FHL2: variants seen among roughly 807,000 people sequenced by gnomAD.
FHL2 encodes four and a half LIM domains protein 2.
A neutral mutation model predicts 32.7 loss-of-function variants in FHL2; 20 were observed. The ratio of observed to expected loss-of-function variants is 0.61; its 90% CI spans 0.43 to 0.89. The LOEUF (loss-of-function observed/expected upper bound fraction) is 0.89. Ranked by LOEUF, FHL2 falls within the 40% of genes least tolerant of loss-of-function variation. FHL2 has a pLI of 0.00. For missense variants in FHL2, 311 were observed against 358.6 expected (o/e 0.87, Z 1.07); for synonymous variants, 123 against 128.1 (o/e 0.96, Z 0.27).
chr2:105,438,191 G>C (rs1684669505), intron 1 of FHL2, among the ~76,000 whole-genome samples: 1 of 152,180 alleles, frequency 6.6e-6, no homozygotes, highest in African/African-American at 2.4e-5. Context: ...GGTGGCTTCT[G>C]TTCTTGGGCT....
chr2:105,423,144 C>A (rs548686444), intron 1 of FHL2, among the ~76,000 whole-genome samples: 1 of 152,216 alleles, frequency 6.6e-6, no homozygotes, highest in East Asian at 1.9e-4. Flanking sequence ...AATGAAGATT[C>A]TTCTAGATTT....
chr2:105,402,574 G>A (rs545343371), upstream of FHL2, among the ~76,000 whole-genome samples: 7 of 152,146 alleles, frequency 4.6e-5, no homozygotes, highest in East Asian at 1.4e-3. Context: ...AAAAATAAAA[G>A]CAACAGACTC....
At chr2:105,386,689 GT>G in intron 2 of FHL2, 149 bp from the exon 3 acceptor site, 1 of 621,670 alleles carries the variant, frequency 1.6e-6, no homozygotes. Context: ...CCTTTAATCG[GT>G]CATAATTTTT....
At chr2:105,416,558 A>G (rs1683944497) in intron 1 of FHL2, among the ~76,000 whole-genome samples, 1 of 152,242 alleles carries the variant, frequency 6.6e-6, no homozygotes, top group Non-Finnish European at 1.5e-5. Flanking sequence ...CTGAAATCAC[A>G]TCAATACTTT....
At chr2:105,371,793 G>A (rs927437854) in intron 4 of FHL2, among the ~76,000 whole-genome samples, 7 of 152,128 alleles carry the variant, frequency 4.6e-5, no homozygotes, top group Admixed American at 4.6e-4. Flanking sequence ...AACTAGTAAG[G>A]GTTTAATTTG....
chr2:105,428,002 C>T (rs1175934685), intron 1 of FHL2, among the ~76,000 whole-genome samples: 1 of 152,200 alleles, frequency 6.6e-6, no homozygotes, highest in Non-Finnish European at 1.5e-5. Context: ...ACACACAGCC[C>T]ATGTAAATTC....
chr2:105,391,549 A>C (rs1045990806), intron 2 of FHL2, among the ~76,000 whole-genome samples: 6 of 152,164 alleles, frequency 3.9e-5, no homozygotes, highest in Non-Finnish European at 7.4e-5. Flanking sequence ...AGCCAAGGCA[A>C]TGAGGGCCTG....
chr2:105,435,163 T>C (rs1018656487), intron 1 of FHL2, among the ~76,000 whole-genome samples: 1 of 151,808 alleles, frequency 6.6e-6, no homozygotes, highest in South Asian at 2.1e-4. Flanking sequence ...TCAAAAGTTC[T>C]ATGCAAACTT....
chr2:105,396,818 G>T, intron 1 of FHL2, 121 bp from the exon 2 acceptor site: 1 of 815,508 alleles, frequency 1.2e-6, no homozygotes, highest in Non-Finnish European at 2.0e-6. Context: ...TAATAAAACC[G>T]CACAGAAGAA....
chr2:105,385,552 G>A (rs1682243156), intron 3 of FHL2, among the ~76,000 whole-genome samples: 2 of 152,210 alleles, frequency 1.3e-5, no homozygotes, highest in Admixed American at 6.5e-5. Context: ...GATGCCAAAG[G>A]AATCCCATTT....
intron 1 of FHL2, among the ~76,000 whole-genome samples, chr2:105,437,719 T>C (rs2104692035): frequency 6.6e-6 from 1 of 152,324 alleles, no homozygotes; most frequent in East Asian, 1.9e-4. Flanking sequence ...ATATATGGCA[T>C]CCTATCAATA....
chr2:105,386,590 G>A (rs2104588500), intron 2 of FHL2, 50 bp from the exon 3 acceptor site: 1 of 1,556,412 alleles, frequency 6.4e-7, no homozygotes, highest in Non-Finnish European at 8.8e-7. Context: ...TCTCTGAAAG[G>A]GGTGCACGCA....
rs185850064 is a variant in FHL2 at position 105,395,009 on chromosome 2, C to T, written c.-25+1638G>A. Among the ~76,000 whole-genome samples the T allele has an allele frequency of 4.1e-3, 625 of 152,332 alleles. 6 individuals carry two copies. Among genetic ancestry groups the T allele is most frequent in the African/African-American group, 0.015 (608 of 41,564 alleles). The stretch of plus-strand genomic sequence containing the variant: ...GTCCATGACTACAAGAGGAGTTACA[C>T]TTGTTTTGATGTCGTTCAGCCTTTT... On this transcript the variant is annotated intron_variant, in intron 2 of 6. Coordinates refer to ENST00000530340, the MANE Select transcript of FHL2 (RefSeq NM_001318895.3).
At chr2:105,406,380 G>C (rs1227382749) in intron 1 of FHL2, among the ~76,000 whole-genome samples, 1 of 151,926 alleles carries the variant, frequency 6.6e-6, no homozygotes, top group African/African-American at 2.4e-5. Flanking sequence ...GGCCGGAGGG[G>C]TTCCAGCGGT....
At chr2:105,397,564 G>A (rs1683226387) in intron 1 of FHL2, among the ~76,000 whole-genome samples, 1 of 148,768 alleles carries the variant, frequency 6.7e-6, no homozygotes. Context: ...GTGAGACGGT[G>A]AGCTAAAATG....
chr2:105,398,159 C>A (rs998638333), intron 1 of FHL2, among the ~76,000 whole-genome samples: 2 of 152,176 alleles, frequency 1.3e-5, no homozygotes, highest in Non-Finnish European at 2.9e-5. Flanking sequence ...GATTAGCCTA[C>A]TTCCAGTTAA....
At chr2:105,363,007 C>T in intron 6 of FHL2, 1 of 398,246 alleles carries the variant, frequency 2.5e-6, no homozygotes, top group Non-Finnish European at 4.6e-6. Flanking sequence ...GGCTCACAGA[C>T]TGCAGTTTTA....
intron 2 of FHL2, among the ~76,000 whole-genome samples, chr2:105,396,335 G>A (rs981850306): frequency 2.4e-4 from 37 of 152,280 alleles, no homozygotes; most frequent in African/African-American, 2.4e-4. Flanking sequence ...GTCCAAAGGC[G>A]GAAAGGACCA....
At chr2:105,400,195 C>T (rs1014428851), upstream of FHL2, among the ~76,000 whole-genome samples, 4 of 152,154 alleles carry the variant, frequency 2.6e-5, no homozygotes, top group Non-Finnish European at 5.9e-5. Flanking sequence ...CTCCAGGCCA[C>T]GTGAACGGTA....
Sources: allele counts gnomAD v4.1 joint callset (sites outside exome capture counted in the v4.1 genomes callset), GRCh38; gene constraint gnomAD v4.1.1; transcripts MANE v1.5; gene names NCBI Gene and HGNC (gene_info 2026-07-23, HGNC 2026-07-21).